Variants in HIVEP2 observed in about 807,000 individuals in gnomAD.
HIVEP2 encodes HIVEP zinc finger 2, also known as transcription factor HIVEP2.
HIVEP2 carries 14 observed loss-of-function variants against 180.7 expected under a neutral mutation model. That is an observed-to-expected ratio of 0.08 (90% CI 0.05 to 0.12). HIVEP2 has a LOEUF of 0.12. Among genes scored for constraint, HIVEP2 ranks in the 10% least tolerant of loss-of-function variants. HIVEP2 has a pLI of 1.00. For synonymous variants in HIVEP2, 1,184 were observed against 1,136.4 expected (o/e 1.04, Z -0.84); for missense variants, 2,579 against 3,008.5 (o/e 0.86, Z 3.34).
In HIVEP2 at chr6:142,769,825, G is replaced by A. The variant is rs1379299573; in HGVS notation, c.4914C>T (p.Phe1638=). The A allele has an allele frequency of 3.7e-6, 6 of 1,614,066 alleles. No individual in the cohort carries two copies. In the African/African-American group the frequency reaches 6.7e-5, roughly 18 times the overall value. ...DMADFQQILQ[F]PSLRTTTTVS... Reference sequence around the variant, plus strand: ...CAGTAGTTGTTGTCCGCAGACTGGGGAACTGAAGAATCTGCTGGAAATCTG... The same window carrying A: ...CAGTAGTTGTTGTCCGCAGACTGGGAAACTGAAGAATCTGCTGGAAATCTG... Residue 1638 remains phenylalanine (F), a synonymous_variant, in exon 5 of 10, where the codon TTC becomes TTT. Transcript: ENST00000367603.
At position 142,771,532 on chromosome 6, in the gene HIVEP2, T is replaced by C; in HGVS notation, c.3207A>G (p.Val1069=). ...APVSGAAAST[V]SPSRERKKCF... is the part of the protein sequence containing the mutation. ...ATTTCTTCCTCTCCCTGGACGGTGA[T>C]ACCGTGGAGGCTGCTGCTCCCGACA... The change falls in exon 5 of 10, where the codon GTA becomes GTG. Residue 1069 remains valine, a synonymous_variant. Coordinates refer to ENST00000367603, the MANE Select transcript of HIVEP2 (RefSeq NM_006734.4). This position sits in a 1 kb window ranked among gnomAD's most constrained non-coding sequence, Gnocchi z 5.4. The C allele has an allele frequency of 1.2e-6, 2 of 1,613,900 alleles. No individual in the cohort carries two copies. The highest frequency in any genetic ancestry group is 1.1e-5 in the South Asian group (1 of 91,088).
At position 142,772,353 on chromosome 6, in the gene HIVEP2, CAGG is replaced by C. The variant is rs752240689; in HGVS notation, c.2383_2385del (p.Pro795del). The C allele has an allele frequency of 2.0e-5, 32 of 1,614,202 alleles. No homozygotes were observed. The highest frequency in any genetic ancestry group is 1.6e-4 in the Middle Eastern group (1 of 6,062). On this transcript the variant is annotated inframe_deletion, in exon 5 of 10. Coordinates refer to ENST00000367603, the MANE Select transcript of HIVEP2 (RefSeq NM_006734.4). This position sits in a 1 kb window ranked among gnomAD's most constrained non-coding sequence, Gnocchi z 4.9. ...TGCTGAATCACAGAAATCACATTTCCAGGAGGTTTCCTGCCCCCTAGGTCTGAC... is the reference window on the plus strand; with the variant it reads ...TGCTGAATCACAGAAATCACATTTCCAGGTTTCCTGCCCCCTAGGTCTGAC...
intron 9 of HIVEP2, among the ~76,000 whole-genome samples, chr6:142,755,629 A>AGG (rs1775045533): frequency 6.6e-6 from 1 of 152,314 alleles, no homozygotes; most frequent in East Asian, 1.9e-4. Flanking sequence ...AGAGAGAGAG[A>AGG]GATGTCCTAT....
chr6:142,830,147 C>T (rs1320895188), intron 2 of HIVEP2, among the ~76,000 whole-genome samples: 1 of 152,076 alleles, frequency 6.6e-6, no homozygotes, highest in African/African-American at 2.4e-5. Flanking sequence ...GTTAGAAATA[C>T]CACCAATTGA....
intron 2 of HIVEP2, among the ~76,000 whole-genome samples, chr6:142,806,785 T>C (rs978708763): frequency 3.9e-5 from 6 of 152,276 alleles, no homozygotes; most frequent in African/African-American, 1.4e-4. Flanking sequence ...TTTTTGCATA[T>C]ACATTATCTC....
intron 1 of HIVEP2, among the ~76,000 whole-genome samples, chr6:142,839,621 C>T (rs1318535681): frequency 2.0e-5 from 3 of 152,040 alleles, no homozygotes; most frequent in African/African-American, 7.2e-5. Flanking sequence ...AGTGGTCTAC[C>T]GGGAGTAGTA....
intron 1 of HIVEP2, among the ~76,000 whole-genome samples, chr6:142,902,254 C>A (rs1777149624): frequency 6.6e-6 from 1 of 152,116 alleles, no homozygotes; most frequent in Non-Finnish European, 1.5e-5. Context: ...AGTGATAAGG[C>A]ATGTTGATGT....
intron 1 of HIVEP2, among the ~76,000 whole-genome samples, chr6:142,913,142 C>T (rs992794616): frequency 3.3e-5 from 5 of 152,140 alleles, no homozygotes; most frequent in Admixed American, 2.0e-4. Flanking sequence ...CTATGGGAAC[C>T]GAACTGCTTA....
chr6:142,934,518 T>C (rs1778007915), intron 1 of HIVEP2, among the ~76,000 whole-genome samples: 1 of 152,210 alleles, frequency 6.6e-6, no homozygotes, highest in Admixed American at 6.5e-5. Context: ...TACATCTCTA[T>C]ATCTCTCCCA....
chr6:142,939,094 A>T (rs76844573), intron 1 of HIVEP2, among the ~76,000 whole-genome samples: 1,899 of 152,296 alleles, frequency 0.012, 50 homozygotes, highest in African/African-American at 0.043. Context: ...AGTAAAAAAA[A>T]TTTTATATTA....
intron 1 of HIVEP2, among the ~76,000 whole-genome samples, chr6:142,894,050 G>A (rs1277171800): frequency 1.3e-5 from 2 of 152,112 alleles, no homozygotes; most frequent in African/African-American, 4.8e-5. Flanking sequence ...GTAGCTATGT[G>A]CCTGTTTCTC....
At position 142,773,689 on chromosome 6, in the gene HIVEP2, T is replaced by C. The variant is rs754088094; in HGVS notation, c.1050A>G (p.Leu350=). ...CCTTAGTATTTAAAGATGGATTTGG[T>C]AGCATATCAGGGCCAATATACTGAG... is the stretch of plus-strand genomic sequence containing the variant. ...ESSQYIGPDM[L]PNPSLNTKAD... Residue 350 remains leucine (L), a synonymous_variant, in exon 5 of 10, where the codon CTA becomes CTG. Coordinates refer to ENST00000367603, the MANE Select transcript of HIVEP2 (RefSeq NM_006734.4). 1.2e-6 allele frequency: 2 copies of C among 1,614,144 alleles called. No homozygotes were observed. Among genetic ancestry groups the C allele is most frequent in the Admixed American group, 1.7e-5 (1 of 60,034 alleles).
At chr6:142,778,683 G>T (rs1031837163) in intron 3 of HIVEP2, among the ~76,000 whole-genome samples, 22 of 152,148 alleles carry the variant, frequency 1.4e-4, no homozygotes, top group African/African-American at 5.3e-4. Flanking sequence ...TATGCTAAGG[G>T]TATTATTACA....
intron 2 of HIVEP2, among the ~76,000 whole-genome samples, chr6:142,798,208 G>C (rs552321587): frequency 5.5e-4 from 84 of 151,964 alleles, no homozygotes; most frequent in African/African-American, 2.0e-3. Flanking sequence ...AGCTCCTCTT[G>C]CAGTGAGCTG....
intron 1 of HIVEP2, among the ~76,000 whole-genome samples, chr6:142,887,831 A>T (rs1159826173): frequency 1.3e-5 from 2 of 152,114 alleles, no homozygotes; most frequent in East Asian, 3.9e-4. Flanking sequence ...CATTTCAGAG[A>T]GTATGTGCGT....
chr6:142,852,194 C>T (rs926151759), intron 1 of HIVEP2, among the ~76,000 whole-genome samples: 2 of 152,142 alleles, frequency 1.3e-5, no homozygotes, highest in African/African-American at 4.8e-5. Context: ...ACAGATTTCC[C>T]ACCAAACTTA....
chr6:142,804,443 A>G, intron 2 of HIVEP2, among the ~76,000 whole-genome samples: 1 of 152,154 alleles, frequency 6.6e-6, no homozygotes, highest in South Asian at 2.1e-4. Flanking sequence ...AAGGCAGGTA[A>G]TGAAGATGTG....
intron 1 of HIVEP2, among the ~76,000 whole-genome samples, chr6:142,855,893 CTTT>C (rs769522749): frequency 0.18 from 26,950 of 152,086 alleles, 2,580 homozygotes; most frequent in South Asian, 0.22. Context: ...TGAAAGTATT[CTTT>C]CACTTATTTC....
At chr6:142,785,103 A>G (rs1249120615) in intron 2 of HIVEP2, among the ~76,000 whole-genome samples, 1 of 151,832 alleles carries the variant, frequency 6.6e-6, no homozygotes, top group African/African-American at 2.4e-5. Context: ...GTTAGCCAGG[A>G]TGGTCTCGAT....
Sources: gnomAD v4.1 joint callset for allele counts (sites outside exome capture counted in the v4.1 genomes callset) on GRCh38, gnomAD v4.1.1 for gene constraint, Gnocchi (gnomAD v3.1) non-coding constraint, MANE v1.5 for transcripts, NCBI Gene and HGNC (gene_info 2026-07-23, HGNC 2026-07-21) for gene names.